R3HDM2: variants seen among roughly 807,000 people sequenced by gnomAD.
The protein encoded by R3HDM2 is R3H domain-containing protein 2.
R3HDM2 carries 38 observed loss-of-function variants against 124.5 expected under a neutral mutation model. That is an observed-to-expected ratio of 0.31 (90% CI 0.24 to 0.40). The LOEUF is 0.40. Among genes scored for constraint, R3HDM2 ranks in the 10% least tolerant of loss-of-function variants. The pLI is 1.00. For synonymous variants in R3HDM2, 391 were observed against 448.0 expected (o/e 0.87, Z 1.61); for missense variants, 869 against 1,236.9 (o/e 0.70, Z 4.46).
chr12:57,269,702 A>G, intron 15 of R3HDM2, 50 bp downstream of exon 15: 3 of 1,611,454 alleles, frequency 1.9e-6, no homozygotes, highest in Non-Finnish European at 2.5e-6. Flanking sequence ...AAAGTATAAT[A>G]CTAGACAAAC....
At chr12:57,389,835 C>T (rs2066398107) in intron 2 of R3HDM2, among the ~76,000 whole-genome samples, 1 of 152,186 alleles carries the variant, frequency 6.6e-6, no homozygotes, top group Admixed American at 6.6e-5. Context: ...GATATATTAT[C>T]ATGCACAAGC....
rs533053853 is a variant in R3HDM2, at chr12:57,350,625, C to G, written c.-35-40162G>C. ...TCCAGATGGGGCAACAGAGCAAGAC[C>G]TCACTCAAAAAATAACTAAAACCAA... On this transcript the variant is annotated intron_variant, in intron 2 of 23. Transcript: ENST00000402412. 1.8e-4 allele frequency among the ~76,000 whole-genome samples: 28 copies of G among 152,144 alleles called. 1 individual carries two copies. Among genetic ancestry groups the G allele is most frequent in the Admixed American group, 1.1e-3 (17 of 15,260 alleles).
chr12:57,423,729 C>A (rs2070428013), intron 1 of R3HDM2, among the ~76,000 whole-genome samples: 1 of 146,554 alleles, frequency 6.8e-6, no homozygotes, highest in African/African-American at 2.5e-5. Flanking sequence ...ATTGCTTGAA[C>A]CCAGGAGACG....
chr12:57,331,669 C>T (rs962148128), intron 2 of R3HDM2, among the ~76,000 whole-genome samples: 2 of 152,122 alleles, frequency 1.3e-5, no homozygotes, highest in African/African-American at 4.8e-5. Context: ...AATCCCAGCA[C>T]TTTGGGAGGC....
chr12:57,428,328 G>A (rs747838437), intron 1 of R3HDM2, among the ~76,000 whole-genome samples: 3 of 151,996 alleles, frequency 2.0e-5, no homozygotes, highest in Admixed American at 2.0e-4. Flanking sequence ...CAGATCTAGA[G>A]CTTTAAAGCT....
chr12:57,395,315 A>C (rs1449861627), intron 2 of R3HDM2, among the ~76,000 whole-genome samples: 1 of 151,892 alleles, frequency 6.6e-6, no homozygotes, highest in Non-Finnish European at 1.5e-5. Flanking sequence ...GACCAGCCTG[A>C]CCAACACGGA....
chr12:57,427,813 G>A (rs189185186), intron 1 of R3HDM2, among the ~76,000 whole-genome samples: 67 of 151,152 alleles, frequency 4.4e-4, no homozygotes, highest in African/African-American at 1.6e-3. Context: ...TGTTAAGAGT[G>A]ACATTTGGGC....
At chr12:57,404,144 A>G (rs1398079527) in intron 1 of R3HDM2, among the ~76,000 whole-genome samples, 1 of 121,992 alleles carries the variant, frequency 8.2e-6, no homozygotes, top group South Asian at 2.8e-4. Context: ...GGCTCACCAC[A>G]ACCTCTGCCT....
intron 2 of R3HDM2, among the ~76,000 whole-genome samples, chr12:57,391,812 G>A (rs554561244): frequency 6.6e-6 from 1 of 152,348 alleles, no homozygotes; most frequent in South Asian, 2.1e-4. Flanking sequence ...TATAGAATCT[G>A]TAAAGACACT....
chr12:57,390,355 G>A (rs923482386), intron 2 of R3HDM2, among the ~76,000 whole-genome samples: 1 of 152,078 alleles, frequency 6.6e-6, no homozygotes, highest in Non-Finnish European at 1.5e-5. Flanking sequence ...CAGGGAAGGA[G>A]AGTCTAAGGG....
Position 57,266,782 on chromosome 12 carries a change from G to A in R3HDM2, c.2080C>T (p.Pro694Ser), listed in dbSNP as rs770068933. Residue 694 changes from proline (P) to serine (S), a missense_variant, in exon 19 of 24, where the codon CCT (proline) becomes TCT (serine). Physicochemically the swap from Pro to Ser is moderately conservative, Grantham distance 74 (BLOSUM62 -1). Coordinates refer to ENST00000402412, the MANE Select transcript of R3HDM2 (RefSeq NM_001394031.1). ...GGACTGCAGGGAGAGGGAGACTGAGGCATCTGGTACTGCTCAGAGCCAGGG... is the reference window on the plus strand; with the variant it reads ...GGACTGCAGGGAGAGGGAGACTGAGACATCTGGTACTGCTCAGAGCCAGGG... ...QPPGSEQYQM[P>S]QSPSPCSPPQ... is the part of the protein sequence containing the mutation. The A allele has an allele frequency of 1.3e-5, 21 of 1,611,136 alleles. No homozygotes were observed. The highest frequency in any genetic ancestry group is 1.6e-4 in the Middle Eastern group (1 of 6,074).
chr12:57,409,115 A>T (rs1021858821), intron 1 of R3HDM2, among the ~76,000 whole-genome samples: 3 of 152,132 alleles, frequency 2.0e-5, no homozygotes, highest in African/African-American at 7.2e-5. Flanking sequence ...GTTCTTTAAC[A>T]CACACAAACC....
At chr12:57,304,448 G>T in intron 3 of R3HDM2, 1 of 936,726 alleles carries the variant, frequency 1.1e-6, no homozygotes, top group Non-Finnish European at 1.3e-6. Context: ...GATAGGGGAG[G>T]GGAAACAAGT....
intron 1 of R3HDM2, among the ~76,000 whole-genome samples, chr12:57,410,750 G>A (rs1291689332): frequency 6.6e-6 from 1 of 152,184 alleles, no homozygotes; most frequent in Non-Finnish European, 1.5e-5. Context: ...CTATGTGGGA[G>A]GATGAGGCAG....
At chr12:57,293,063 A>G (rs2048979185) in intron 10 of R3HDM2, among the ~76,000 whole-genome samples, 1 of 152,216 alleles carries the variant, frequency 6.6e-6, no homozygotes, top group African/African-American at 2.4e-5. Flanking sequence ...GAACGGGAGA[A>G]GAAACAGGTG....
intron 2 of R3HDM2, among the ~76,000 whole-genome samples, chr12:57,376,613 T>G (rs1384643758): frequency 6.6e-5 from 10 of 152,142 alleles, no homozygotes. Context: ...ATAAAATTAT[T>G]AAGTTCCTTT....
chr12:57,307,626 C>CT (rs1019477707), intron 3 of R3HDM2, among the ~76,000 whole-genome samples: 8,042 of 103,688 alleles, frequency 0.078, 367 homozygotes, highest in East Asian at 0.24. Context: ...CAGCCATGCT[C>CT]TTTTTTTTTT....
At chr12:57,426,863 C>A (rs2070788184) in intron 1 of R3HDM2, among the ~76,000 whole-genome samples, 1 of 152,176 alleles carries the variant, frequency 6.6e-6, no homozygotes, top group Non-Finnish European at 1.5e-5. Context: ...CTTCCAAGGA[C>A]AACTAATCAC....
intron 14 of R3HDM2, among the ~76,000 whole-genome samples, chr12:57,271,264 G>A: frequency 6.6e-6 from 1 of 152,140 alleles, no homozygotes; most frequent in Non-Finnish European, 1.5e-5. Flanking sequence ...TCCAAAAGGA[G>A]GGCAGAGTGA....
Sources: allele counts gnomAD v4.1 joint callset (sites outside exome capture counted in the v4.1 genomes callset), GRCh38; gene constraint gnomAD v4.1.1; transcripts MANE v1.5; gene names NCBI Gene and HGNC (gene_info 2026-07-23, HGNC 2026-07-21).